Variants in SDK1 observed in about 807,000 individuals in gnomAD.
SDK1 encodes the protein sidekick cell adhesion molecule 1.
Under a neutral mutation model 245.5 loss-of-function variants are expected in SDK1, and 157 were observed. That is an observed-to-expected ratio of 0.64 (90% CI 0.56 to 0.73). The LOEUF (loss-of-function observed/expected upper bound fraction) is 0.73. Ranked by LOEUF, SDK1 falls within the 30% of genes least tolerant of loss-of-function variation. SDK1 has a pLI of 0.00. For missense variants in SDK1, 3,583 were observed against 3,002.3 expected (o/e 1.19, Z -4.52); for synonymous variants, 1,647 against 1,278.5 (o/e 1.29, Z -6.15).
chr7:3,584,712 T>C (rs1036401314), intron 1 of SDK1, among the ~76,000 whole-genome samples: 16 of 148,920 alleles, frequency 1.1e-4, no homozygotes, highest in African/African-American at 4.0e-4. Context: ...GAAATTGGGG[T>C]GACCCATGAC....
At chr7:3,655,501 A>ATATATG (rs1554303530) in intron 4 of SDK1, among the ~76,000 whole-genome samples, 60 of 52,506 alleles carry the variant, frequency 1.1e-3, no homozygotes, top group Middle Eastern at 9.3e-3. Flanking sequence ...ATATATATAT[A>ATATATG]TATGTATGTA....
chr7:4,059,407 C>T (rs1213420593), intron 19 of SDK1, among the ~76,000 whole-genome samples: 1 of 152,148 alleles, frequency 6.6e-6, no homozygotes, highest in Non-Finnish European at 1.5e-5. Flanking sequence ...CAATTCTAAA[C>T]ATATATAGAC....
chr7:4,013,202 G>T (rs1583828120), intron 16 of SDK1, among the ~76,000 whole-genome samples: 1 of 152,192 alleles, frequency 6.6e-6, no homozygotes, highest in Admixed American at 6.5e-5. Context: ...GAATTATTGG[G>T]AACACTGTAT....
chr7:3,872,162 T>C (rs895632849), intron 5 of SDK1, among the ~76,000 whole-genome samples: 1 of 152,232 alleles, frequency 6.6e-6, no homozygotes, highest in African/African-American at 2.4e-5. Flanking sequence ...TGTTATTCTT[T>C]CGTGTACTTT....
rs67172945 is a variant in SDK1, at chr7:4,238,089, C to CTTT, written c.6130+316_6130+318dup. ...CTGTACCTTTGTTCAAATGCAATTG[C>CTTT]TTTTTTTTTTTTTACAGTCTCACTC... On this transcript the variant is annotated intron_variant, in intron 42 of 44. Coordinates refer to ENST00000404826, the MANE Select transcript of SDK1 (RefSeq NM_152744.4). Among the ~76,000 whole-genome samples, 5 of 146,450 alleles carry CTTT rather than the reference C, an allele frequency of 3.4e-5. 1 individual carries two copies. The highest frequency in any genetic ancestry group is 2.2e-4 in the South Asian group (1 of 4,570).
intron 31 of SDK1, among the ~76,000 whole-genome samples, chr7:4,159,482 G>A (rs1196963793): frequency 6.6e-6 from 1 of 152,244 alleles, no homozygotes; most frequent in Non-Finnish European, 1.5e-5. Context: ...TGTGCTCCCA[G>A]GAAAAGCACA....
At chr7:4,205,816 G>A in intron 35 of SDK1, 63 bp from the exon 36 acceptor site, 4 of 1,331,380 alleles carry the variant, frequency 3.0e-6, no homozygotes, top group East Asian at 2.5e-5. Flanking sequence ...GGGCATGTGG[G>A]CGAGGGTCCG....
intron 17 of SDK1, among the ~76,000 whole-genome samples, chr7:4,032,257 A>G (rs570084830): frequency 1.0e-3 from 153 of 152,360 alleles, no homozygotes; most frequent in Non-Finnish European, 1.9e-3. Flanking sequence ...ATTTATTCCA[A>G]GAATGCAGTT....
intron 5 of SDK1, among the ~76,000 whole-genome samples, chr7:3,864,641 G>A (rs758968116): frequency 3.9e-5 from 6 of 152,098 alleles, no homozygotes; most frequent in African/African-American, 7.2e-5. Context: ...GACCTTGGCC[G>A]TCCAGTCTCA....
intron 4 of SDK1, among the ~76,000 whole-genome samples, chr7:3,798,978 TC>T (rs1779037126): frequency 1.3e-5 from 2 of 152,210 alleles, no homozygotes; most frequent in African/African-American, 4.8e-5. Flanking sequence ...ATTTTTCTCT[TC>T]CCCTCATTCT....
At chr7:4,086,972 C>T (rs1781463695) in intron 22 of SDK1, among the ~76,000 whole-genome samples, 1 of 150,928 alleles carries the variant, frequency 6.6e-6, no homozygotes, top group Non-Finnish European at 1.5e-5. Context: ...AATCCCTCTT[C>T]TGCAGATGGT....
At chr7:3,765,264 A>G (rs1171555969) in intron 4 of SDK1, among the ~76,000 whole-genome samples, 3 of 152,198 alleles carry the variant, frequency 2.0e-5, no homozygotes, top group Non-Finnish European at 4.4e-5. Context: ...CCTTATTATC[A>G]ATAAACAGTA....
In SDK1 at chr7:3,951,939, A is replaced by G. The variant is rs1050955658; in HGVS notation, c.1150+19A>G. On this transcript the variant is annotated intron_variant, in intron 7 of 44. Transcript: ENST00000404826. ...ATCATAGGTAATGCGGGAGCCTCTA[A>G]GTGGTGTTGCCAGCATCTCAGATAG... 1.2e-6 allele frequency: 2 copies of G among 1,604,398 alleles called. No individual in the cohort carries two copies. The highest frequency in any genetic ancestry group is 8.5e-7 in the Non-Finnish European group (1 of 1,177,278).
chr7:3,775,743 A>G lies in SDK1; in HGVS notation c.714-45707A>G, dbSNP rs28558397. Among the ~76,000 whole-genome samples, 837 of 151,776 alleles carry G rather than the reference A, an allele frequency of 5.5e-3. 9 individuals are homozygous for G. Among genetic ancestry groups the G allele is most frequent in the African/African-American group, 0.019 (804 of 41,342 alleles). On this transcript the variant is annotated intron_variant, in intron 4 of 44. Coordinates refer to ENST00000404826, the MANE Select transcript of SDK1 (RefSeq NM_152744.4). ...AGGCGCCCGCCACCGCACCCGGCTA[A>G]TTTTTTGTATTTTTAGTAGAGACGG...
At chr7:3,974,246 G>A (rs1033614425) in intron 12 of SDK1, 123 bp from the exon 13 acceptor site, 3 of 707,954 alleles carry the variant, frequency 4.2e-6, no homozygotes, top group Middle Eastern at 4.0e-4. Flanking sequence ...AAAGAGCACA[G>A]TTCAGTGGTT....
chr7:3,926,236 C>A (rs1276379880), intron 5 of SDK1, among the ~76,000 whole-genome samples: 1 of 152,146 alleles, frequency 6.6e-6, no homozygotes, highest in Non-Finnish European at 1.5e-5. Context: ...GACCCTTTGG[C>A]CACTCATTTA....
intron 17 of SDK1, among the ~76,000 whole-genome samples, chr7:4,029,911 A>G (rs576984213): frequency 6.6e-6 from 1 of 152,370 alleles, no homozygotes; most frequent in South Asian, 2.1e-4. Flanking sequence ...ATAAGCCAAC[A>G]TGCTGCACTC....
At chr7:3,852,933 T>C (rs1196187743) in intron 5 of SDK1, among the ~76,000 whole-genome samples, 2 of 152,036 alleles carry the variant, frequency 1.3e-5, no homozygotes, top group South Asian at 2.1e-4. Context: ...GGGTGCAGAA[T>C]GTTACCTTAT....
At chr7:3,677,037 T>C (rs1302159511) in intron 4 of SDK1, among the ~76,000 whole-genome samples, 4 of 152,222 alleles carry the variant, frequency 2.6e-5, no homozygotes, top group Non-Finnish European at 4.4e-5. Flanking sequence ...TCTTGGCCTC[T>C]GGGATGTTTG....
Sources: allele counts gnomAD v4.1 joint callset (sites outside exome capture counted in the v4.1 genomes callset), GRCh38; gene constraint gnomAD v4.1.1; transcripts MANE v1.5; gene names NCBI Gene and HGNC (gene_info 2026-07-23, HGNC 2026-07-21).